CEP112: variants seen among roughly 807,000 people sequenced by gnomAD.
CEP112 encodes centrosomal protein of 112 kDa.
Under a neutral mutation model 153.0 loss-of-function variants are expected in CEP112, and 127 were observed. The ratio of observed to expected loss-of-function variants is 0.83; its 90% CI spans 0.72 to 0.96. CEP112 has a LOEUF of 0.96. CEP112 is among the 40% of genes least tolerant of loss of function. The pLI is 0.00. For missense variants in CEP112, 1,089 were observed against 1,101.2 expected, an observed-to-expected ratio of 0.99 and a Z score of 0.16; for synonymous variants, 358 against 374.4, an observed-to-expected ratio of 0.96 and a Z score of 0.51.
intron 4 of CEP112, among the ~76,000 whole-genome samples, chr17:66,166,671 G>T (rs2071972895): frequency 6.6e-6 from 1 of 152,150 alleles, no homozygotes; most frequent in East Asian, 1.9e-4. Flanking sequence ...GCCGAGGGAG[G>T]GGGATCACCT....
intron 21 of CEP112, among the ~76,000 whole-genome samples, chr17:65,782,718 C>T (rs1452659533): frequency 2.0e-5 from 3 of 151,872 alleles, no homozygotes; most frequent in Non-Finnish European, 4.4e-5. Context: ...GGCCATTAGC[C>T]CAAGCAAATA....
At chr17:66,118,543 A>T (rs910219516) in intron 6 of CEP112, among the ~76,000 whole-genome samples, 1 of 152,104 alleles carries the variant, frequency 6.6e-6, no homozygotes, top group African/African-American at 2.4e-5. Context: ...AAATAGAATG[A>T]TGGTTACCAG....
intron 21 of CEP112, among the ~76,000 whole-genome samples, chr17:65,754,971 C>T (rs7342945): frequency 0.12 from 17,563 of 151,986 alleles, 1,798 homozygotes; most frequent in African/African-American, 0.27. Flanking sequence ...ATAGCTAATG[C>T]GTGCTGGGCT....
intron 1 of CEP112, among the ~76,000 whole-genome samples, chr17:66,190,741 G>A (rs1458381558): frequency 2.0e-5 from 3 of 151,658 alleles, no homozygotes; most frequent in Non-Finnish European, 4.4e-5. Context: ...ACTTCTTTTT[G>A]GACAGCTACA....
chr17:65,847,764 G>C (rs1347961449), intron 21 of CEP112, among the ~76,000 whole-genome samples: 1 of 152,080 alleles, frequency 6.6e-6, no homozygotes, highest in Non-Finnish European at 1.5e-5. Flanking sequence ...AAGACAATGG[G>C]ACAAAAAAAG....
In CEP112 at chr17:66,029,140, C is replaced by T. The variant is rs765712752; in HGVS notation, c.1486G>A (p.Ala496Thr). The change falls in exon 14 of 27, where the codon GCT becomes ACT. Residue 496 changes from alanine to threonine, a missense_variant. Physicochemically the swap from Ala to Thr is moderately conservative, Grantham distance 58. Transcript: ENST00000535342. The stretch of plus-strand genomic sequence containing the variant: ...AATAATACCTTAGAAGCTGAAAGAG[C>T]ATGTTCTTGTTTTAGAAGGTTTATA... Reference protein sequence around the residue: ...ADINLLKQEHALSASKASSMI... With the variant: ...ADINLLKQEHTLSASKASSMI... The T allele has an allele frequency of 3.1e-6, 5 of 1,601,586 alleles. No individual in the cohort carries two copies. The South Asian group carries it at 5.5e-5, about 18-fold the overall frequency.
chr17:65,653,675 G>A (rs1482847754), intron 24 of CEP112, among the ~76,000 whole-genome samples: 1 of 152,208 alleles, frequency 6.6e-6, no homozygotes, highest in Admixed American at 6.5e-5. Context: ...ACATAAACAG[G>A]AATGTGGAGG....
chr17:66,043,532 G>T (rs1213545545), intron 12 of CEP112, among the ~76,000 whole-genome samples: 2 of 152,072 alleles, frequency 1.3e-5, no homozygotes, highest in South Asian at 2.1e-4. Flanking sequence ...CAGGGTCCAT[G>T]GTACAAAAGA....
chr17:66,066,564 C>T (rs1179326690), intron 10 of CEP112, among the ~76,000 whole-genome samples: 1 of 58,654 alleles, frequency 1.7e-5, no homozygotes, highest in Admixed American at 2.5e-4. Flanking sequence ...ACTGTCACTA[C>T]ACAAACACAC....
At chr17:66,026,502 C>T (rs1356910768) in intron 16 of CEP112, among the ~76,000 whole-genome samples, 4 of 152,074 alleles carry the variant, frequency 2.6e-5, no homozygotes, top group Non-Finnish European at 5.9e-5. Context: ...GCACATATGA[C>T]ACAACAGAAT....
intron 23 of CEP112, among the ~76,000 whole-genome samples, chr17:65,707,517 A>G (rs1046540752): frequency 1.3e-5 from 2 of 152,132 alleles, no homozygotes; most frequent in Non-Finnish European, 2.9e-5. Flanking sequence ...GCTCCTCACC[A>G]TGCTTAGAAG....
chr17:65,643,967 G>A (rs2045293060), intron 24 of CEP112, among the ~76,000 whole-genome samples: 1 of 152,202 alleles, frequency 6.6e-6, no homozygotes, highest in Non-Finnish European at 1.5e-5. Flanking sequence ...TGGTGTCCTT[G>A]TGTTCTTCCA....
chr17:65,698,622 C>T (rs574541417), intron 23 of CEP112, among the ~76,000 whole-genome samples: 16 of 152,286 alleles, frequency 1.1e-4, no homozygotes, highest in Admixed American at 3.3e-4. Flanking sequence ...CGCAGCTCCT[C>T]TTAAAGGGGC....
At chr17:65,639,181 ACTAGGGGAATAT>A (rs1165465407) in intron 25 of CEP112, among the ~76,000 whole-genome samples, 32 of 152,320 alleles carry the variant, frequency 2.1e-4, no homozygotes, top group African/African-American at 7.7e-4. Flanking sequence ...GAGAAGTTTT[ACTAGGGGAATAT>A]AAAAGGAACA....
chr17:65,916,287 G>GTGTGTGTGTGTGTGTA (rs138734881), intron 19 of CEP112, among the ~76,000 whole-genome samples: 328 of 147,520 alleles, frequency 2.2e-3, no homozygotes, highest in Non-Finnish European at 3.4e-3. Flanking sequence ...GTGTGTGTGT[G>GTGTGTGTGTGTGTGTA]TGTGTATGTG....
chr17:65,948,047 A>G (rs2061701469), intron 18 of CEP112, among the ~76,000 whole-genome samples: 2 of 152,196 alleles, frequency 1.3e-5, no homozygotes, highest in Non-Finnish European at 2.9e-5. Context: ...ATATCCAGAT[A>G]GTGTTCTTGC....
intron 21 of CEP112, among the ~76,000 whole-genome samples, chr17:65,833,625 T>C (rs1407108408): frequency 6.6e-6 from 1 of 151,990 alleles, no homozygotes; most frequent in African/African-American, 2.4e-5. Flanking sequence ...ATAAAATACA[T>C]AATATACCTA....
At chr17:65,723,041 T>C (rs1171916805) in intron 23 of CEP112, among the ~76,000 whole-genome samples, 3 of 152,204 alleles carry the variant, frequency 2.0e-5, no homozygotes, top group Non-Finnish European at 4.4e-5. Context: ...CTACACAGTA[T>C]CTAACCAAAC....
At chr17:66,041,220 G>A (rs2065962098) in intron 12 of CEP112, among the ~76,000 whole-genome samples, 1 of 150,182 alleles carries the variant, frequency 6.7e-6, no homozygotes, top group Non-Finnish European at 1.5e-5. Context: ...AATATACATT[G>A]AGAAACAAAA....
Sources: allele counts gnomAD v4.1 joint callset (sites outside exome capture counted in the v4.1 genomes callset), GRCh38; gene constraint gnomAD v4.1.1; transcripts MANE v1.5; gene names NCBI Gene and HGNC (gene_info 2026-07-23, HGNC 2026-07-21).